Variants in GPN1 observed in about 807,000 individuals in gnomAD.
GPN1 encodes the protein GPN-loop GTPase 1.
GPN1 carries 44 observed loss-of-function variants against 55.9 expected under a neutral mutation model. The observed-to-expected ratio is 0.79, with a 90% CI of 0.62 to 1.01. The LOEUF is 1.01. Ranked by LOEUF, GPN1 falls within the 50% of genes least tolerant of loss-of-function variation. GPN1 has a pLI of 0.00. For missense variants in GPN1, 466 were observed against 462.8 expected, an observed-to-expected ratio of 1.01 and a Z score of -0.06; for synonymous variants, 179 against 162.5, an observed-to-expected ratio of 1.10 and a Z score of -0.77.
intron 12 of GPN1, among the ~76,000 whole-genome samples, chr2:27,646,594 G>A (rs1001767591): frequency 1.3e-5 from 2 of 152,048 alleles, no homozygotes; most frequent in African/African-American, 4.8e-5. Context: ...TATATTGAGG[G>A]ACTGCCCTCA....
intron 7 of GPN1, among the ~76,000 whole-genome samples, chr2:27,637,233 A>G (rs1306220990): frequency 6.6e-6 from 1 of 152,218 alleles, no homozygotes; most frequent in East Asian, 1.9e-4. Context: ...CATATAATAA[A>G]GCTAGAGAAA....
In GPN1 at chr2:27,631,057, TA is replaced by T; in HGVS notation, c.238del (p.Met80Ter). ...CGTGATACTGTAAAGTATAAAGAAG[TA>T]ATGAAACAGTATCCTTTTCCATCTA... ...DIRDTVKYKE[V>X]MKQYGLGPNG... On this transcript the variant is annotated frameshift_variant, in exon 3 of 14. Coordinates refer to ENST00000610189, the MANE Select transcript of GPN1 (RefSeq NM_007266.4). LOFTEE classifies it high-confidence loss of function. 2 of 1,387,338 alleles carry T rather than the reference TA, an allele frequency of 1.4e-6. No individual in the cohort carries two copies. Among genetic ancestry groups the T allele is most frequent in the Non-Finnish European group, 1.0e-6 (1 of 975,124 alleles). The allele number at this position is 1,387,338 out of a possible 1,614,324, so 85.9% of individuals were successfully genotyped here. A position where few individuals can be genotyped will look rare whatever the true frequency, so the allele number is the denominator to read the frequency against.
At position 27,635,195 on chromosome 2, in the gene GPN1, A is replaced by G. The variant is rs747754562; in HGVS notation, c.485A>G (p.Asn162Ser). 2 of 1,604,328 alleles carry G rather than the reference A, an allele frequency of 1.2e-6. No homozygotes were observed. The highest frequency in any genetic ancestry group is 8.5e-7 in the Non-Finnish European group (1 of 1,171,654). The change falls in exon 7 of 14, where the codon AAC becomes AGC. Residue 162 changes from asparagine to serine, a missense_variant. Asn to Ser is a conservative substitution (Grantham distance 46). Coordinates refer to ENST00000610189, the MANE Select transcript of GPN1 (RefSeq NM_007266.4). ...GTAATGGACACATCGAGAAGTACCA[A>G]CCCAGTGACCTTCATGTCCAACATG... ...IYVMDTSRST[N>S]PVTFMSNMLY...
At chr2:27,646,818 A>G (rs1674256290) in intron 12 of GPN1, among the ~76,000 whole-genome samples, 1 of 152,136 alleles carries the variant, frequency 6.6e-6, no homozygotes, top group Non-Finnish European at 1.5e-5. Context: ...TCTAGTAGAG[A>G]ACAGCAAAGC....
chr2:27,644,935 G>C (rs1278831380), intron 12 of GPN1, among the ~76,000 whole-genome samples: 4 of 151,886 alleles, frequency 2.6e-5, no homozygotes, highest in South Asian at 4.2e-4. Flanking sequence ...ATGCATACTT[G>C]AGTATACTTC....
chr2:27,640,238 G>C (rs984823820), intron 10 of GPN1, 113 bp downstream of exon 10: 4 of 781,928 alleles, frequency 5.1e-6, no homozygotes, highest in Non-Finnish European at 9.0e-6. Context: ...TATTATATTT[G>C]GTTTGCATAT....
chr2:27,647,944 G>C lies in GPN1; in HGVS notation c.1039+1G>C. The C allele has an allele frequency of 6.4e-7, 1 of 1,573,230 alleles. No individual in the cohort carries two copies. Among genetic ancestry groups the C allele is most frequent in the African/African-American group, 1.3e-5 (1 of 74,278 alleles). ...GATACTGATGACATTGACCACAGAGGTGAGAGGTGGCTGAGGTGGCCCGTG... is the reference window on the plus strand; with the variant it reads ...GATACTGATGACATTGACCACAGAGCTGAGAGGTGGCTGAGGTGGCCCGTG... On this transcript the variant is annotated splice_donor_variant, in intron 13 of 13. Transcript: ENST00000610189. LOFTEE classifies it high-confidence loss of function.
chr2:27,642,575 T>C lies in GPN1; in HGVS notation c.931+56T>C, dbSNP rs1025838320. 8 of 981,436 alleles carry C rather than the reference T, an allele frequency of 8.2e-6. No homozygotes were observed. In the Admixed American group the frequency reaches 8.2e-5, roughly 10 times the overall value. The allele number at this position is 981,436 out of a possible 1,614,324, so 60.8% of individuals were successfully genotyped here. A position where few individuals can be genotyped will look rare whatever the true frequency, so the allele number is the denominator to read the frequency against. On this transcript the variant is annotated intron_variant, in intron 12 of 13. Transcript: ENST00000610189. ...AAAAAAAGGTTACACTTCTTTCTTT[T>C]ATTTATTTATTTATTTTTGAGACGG...
At chr2:27,628,747 T>G (rs1319943211), upstream of GPN1, 2 of 1,547,536 alleles carry the variant, frequency 1.3e-6, no homozygotes, top group African/African-American at 1.4e-5. Context: ...GTGTGAGCCC[T>G]GCCCTCGGGA....
upstream of GPN1, chr2:27,628,920 A>T: frequency 1.3e-6 from 2 of 1,493,780 alleles, no homozygotes; most frequent in South Asian, 2.7e-5. Flanking sequence ...GACGCTAAGA[A>T]GATGCCCTGG....
intron 10 of GPN1, among the ~76,000 whole-genome samples, chr2:27,640,452 C>T (rs1673895399): frequency 6.6e-6 from 1 of 152,192 alleles, no homozygotes; most frequent in African/African-American, 2.4e-5. Flanking sequence ...CATTGTAGGA[C>T]AAAAGCGTCC....
At position 27,650,266 on chromosome 2, in the gene GPN1, G is replaced by C; in HGVS notation, c.*66G>C. On this transcript the variant is annotated 3_prime_UTR_variant, in exon 14 of 14. Transcript: ENST00000610189. ...TTTTGGACCTCCACGTGAAAGAACT[G>C]TTCTTACCTCTGAACTGGGGGCTCC... 1.1e-6 allele frequency: 1 copy of C among 884,232 alleles called. No individual in the cohort carries two copies. Among genetic ancestry groups the C allele is most frequent in the South Asian group, 1.4e-5 (1 of 70,876 alleles). 54.8% of individuals were successfully genotyped at this position (884,232 alleles called of 1,614,324 possible).
rs180865498 is a variant in GPN1, at chr2:27,639,095, G to C, written c.717+64G>C. 32 of 1,306,584 alleles carry C rather than the reference G, an allele frequency of 2.4e-5. No individual in the cohort carries two copies. In the African/African-American group the frequency reaches 3.5e-4, roughly 14 times the overall value. 80.9% of individuals were successfully genotyped at this position (1,306,584 alleles called of 1,614,324 possible). On this transcript the variant is annotated intron_variant, in intron 9 of 13. Transcript: ENST00000610189. Reference sequence around the variant, plus strand: ...GATAATCTGTTAACCCATAGGATTGGCTTTGAACCTGGCTGAGAAAGGAAG... The same window carrying C: ...GATAATCTGTTAACCCATAGGATTGCCTTTGAACCTGGCTGAGAAAGGAAG...
chr2:27,640,058 G>C lies in GPN1; in HGVS notation c.733G>C (p.Ala245Pro). Residue 245 changes from alanine to proline, a missense_variant, in exon 10 of 14, where the codon GCT becomes CCT. Transcript: ENST00000610189. ...YSSLRVVGVS[A>P]VLGTGLDELF... is the part of the protein sequence containing the mutation. ...TTTTTGGCAGGTGGTGGGTGTCTCTGCTGTTCTGGGTACTGGATTAGATGA... is the reference window on the plus strand; with the variant it reads ...TTTTTGGCAGGTGGTGGGTGTCTCTCCTGTTCTGGGTACTGGATTAGATGA... The C allele has an allele frequency of 6.2e-7, 1 of 1,611,266 alleles. No homozygotes were observed. Among genetic ancestry groups the C allele is most frequent in the Non-Finnish European group, 8.5e-7 (1 of 1,177,426 alleles).
chr2:27,633,173 T>C (rs1206561186), intron 5 of GPN1, among the ~76,000 whole-genome samples: 4 of 152,230 alleles, frequency 2.6e-5, no homozygotes, highest in Non-Finnish European at 2.9e-5. Context: ...ATGATATTTA[T>C]AAGATGAAAC....
chr2:27,649,091 A>G (rs1241176520), intron 13 of GPN1, among the ~76,000 whole-genome samples: 2 of 151,856 alleles, frequency 1.3e-5, no homozygotes, highest in Non-Finnish European at 2.9e-5. Flanking sequence ...TACAAGTACA[A>G]AAAATTAGCT....
At chr2:27,628,976 T>G, upstream of GPN1, 1 of 1,585,570 alleles carries the variant, frequency 6.3e-7, no homozygotes, top group South Asian at 1.1e-5. Context: ...CTGTGGTGGT[T>G]TTCGTTCGCA....
chr2:27,647,262 T>G lies in GPN1; in HGVS notation c.932-574T>G, dbSNP rs559552413. 2.6e-5 allele frequency among the ~76,000 whole-genome samples: 4 copies of G among 151,978 alleles called. No homozygotes were observed. The East Asian group carries it at 7.7e-4, about 29-fold the overall frequency. On this transcript the variant is annotated intron_variant, in intron 12 of 13. Coordinates refer to ENST00000610189, the MANE Select transcript of GPN1 (RefSeq NM_007266.4). ...GGCAGTAGTGACTTGATTAGACTTC[T>G]CTCTGATTACTGGAGCTCAGCCCTC...
At chr2:27,642,307 T>TA (rs1673988977) in intron 11 of GPN1, 122 bp from the exon 12 acceptor site, 14 of 663,288 alleles carry the variant, frequency 2.1e-5, no homozygotes, top group Admixed American at 1.5e-4. Context: ...AGACGTCCCT[T>TA]ATCTGCATCA....
Sources: gnomAD v4.1 joint callset for allele counts (sites outside exome capture counted in the v4.1 genomes callset) on GRCh38, gnomAD v4.1.1 for gene constraint, MANE v1.5 for transcripts, NCBI Gene and HGNC (gene_info 2026-07-23, HGNC 2026-07-21) for gene names.